CSMD3: variants seen among roughly 807,000 people sequenced by gnomAD.
The protein encoded by CSMD3 is CUB and sushi domain-containing protein 3.
Under a neutral mutation model 435.2 loss-of-function variants are expected in CSMD3, and 177 were observed. That is an observed-to-expected ratio of 0.41 (90% CI 0.36 to 0.46). The LOEUF (loss-of-function observed/expected upper bound fraction) is 0.46, where lower values mean the gene tolerates loss of function less well. CSMD3 is among the 20% of genes least tolerant of loss of function. The pLI is 0.34. For missense variants in CSMD3, 4,265 were observed against 4,504.6 expected (o/e 0.95, Z 1.52); for synonymous variants, 1,656 against 1,520.5 (o/e 1.09, Z -2.07).
chr8:112,293,180 G>A (rs1439899080), intron 54 of CSMD3, among the ~76,000 whole-genome samples: 1 of 151,932 alleles, frequency 6.6e-6, no homozygotes, highest in Non-Finnish European at 1.5e-5. Context: ...TGCTTGAGGA[G>A]AAGAGTTAAG....
intron 6 of CSMD3, among the ~76,000 whole-genome samples, chr8:112,997,614 T>C (rs1234361927): frequency 6.6e-6 from 1 of 151,624 alleles, no homozygotes; most frequent in East Asian, 1.9e-4. Flanking sequence ...CTGACTTTTT[T>C]CTTAGTTTGT....
intron 10 of CSMD3, among the ~76,000 whole-genome samples, chr8:112,889,134 A>C (rs1471902106): frequency 6.6e-6 from 1 of 151,668 alleles, no homozygotes; most frequent in Non-Finnish European, 1.5e-5. Flanking sequence ...TTTCTCTCCA[A>C]AACTTTCCCC....
chr8:113,229,222 T>G (rs2093059084), intron 3 of CSMD3, among the ~76,000 whole-genome samples: 1 of 151,614 alleles, frequency 6.6e-6, no homozygotes, highest in Non-Finnish European at 1.5e-5. Context: ...CAGTGTAAAA[T>G]TATGTGGTGC....
rs753498045 is a variant in CSMD3, at chr8:112,337,571, A to G, written c.6813T>C (p.Asn2271=). The part of the protein sequence containing the change: ...ALTCLHGVSR[N]WNHPLPRCEA... ...CACACCTTGGAAGTGGATGATTCCAATTACGACTGACTCCGTGAAGGCATG... is the reference window on the plus strand; with the variant it reads ...CACACCTTGGAAGTGGATGATTCCAGTTACGACTGACTCCGTGAAGGCATG... Residue 2271 remains asparagine (N), a synonymous_variant, in exon 43 of 71, where the codon AAT becomes AAC. Coordinates refer to ENST00000297405, the MANE Select transcript of CSMD3 (RefSeq NM_198123.2). 3.4e-5 allele frequency: 55 copies of G among 1,613,888 alleles called. No individual in the cohort carries two copies. The African/African-American group carries it at 3.5e-4, about 10-fold the overall frequency.
chr8:112,293,728 C>T (rs1473231761), intron 54 of CSMD3, among the ~76,000 whole-genome samples: 2 of 152,044 alleles, frequency 1.3e-5, no homozygotes, highest in Non-Finnish European at 2.9e-5. Flanking sequence ...TGTTTTATTG[C>T]ATTATCTCAC....
At chr8:112,728,256 G>C (rs968756071) in intron 13 of CSMD3, among the ~76,000 whole-genome samples, 5 of 151,494 alleles carry the variant, frequency 3.3e-5, no homozygotes, top group African/African-American at 9.7e-5. Flanking sequence ...TTAGGAAATT[G>C]AACAATAAAA....
chr8:112,316,038 A>G (rs1475838771), intron 47 of CSMD3, among the ~76,000 whole-genome samples: 3 of 151,838 alleles, frequency 2.0e-5, no homozygotes, highest in Non-Finnish European at 3.0e-5. Context: ...ATAGGAGTAG[A>G]AAAGAGTAAC....
chr8:112,756,805 G>C (rs1210604776), intron 13 of CSMD3, among the ~76,000 whole-genome samples: 1 of 146,888 alleles, frequency 6.8e-6, no homozygotes, highest in Non-Finnish European at 1.5e-5. Context: ...GTCTCACTGT[G>C]TCTCTCAGGC....
intron 13 of CSMD3, among the ~76,000 whole-genome samples, chr8:112,773,147 A>C (rs1446580952): frequency 6.6e-6 from 1 of 152,076 alleles, no homozygotes; most frequent in Non-Finnish European, 1.5e-5. Context: ...CCACCCGTTC[A>C]AAAACAGGAA....
intron 13 of CSMD3, among the ~76,000 whole-genome samples, chr8:112,771,101 A>G (rs567506008): frequency 4.6e-5 from 7 of 152,110 alleles, no homozygotes; most frequent in Non-Finnish European, 7.4e-5. Context: ...AATTGGAAAA[A>G]GAGAATGCTA....
intron 59 of CSMD3, among the ~76,000 whole-genome samples, chr8:112,273,472 T>A (rs1817715791): frequency 6.6e-6 from 1 of 152,040 alleles, no homozygotes; most frequent in Non-Finnish European, 1.5e-5. Context: ...ACACCTGTAA[T>A]CCCAGCACTT....
chr8:113,291,389 G>T (rs1476104831), intron 2 of CSMD3, among the ~76,000 whole-genome samples: 1 of 151,690 alleles, frequency 6.6e-6, no homozygotes, highest in Non-Finnish European at 1.5e-5. Flanking sequence ...GGACTTCATT[G>T]GGGGAATTAA....
At chr8:112,555,965 T>C (rs897937227) in intron 25 of CSMD3, among the ~76,000 whole-genome samples, 4 of 151,998 alleles carry the variant, frequency 2.6e-5, no homozygotes, top group African/African-American at 9.7e-5. Flanking sequence ...TCTGCCTCTA[T>C]AAATGCCATC....
At chr8:112,367,674 C>A (rs4876283) in intron 38 of CSMD3, among the ~76,000 whole-genome samples, 4 of 151,946 alleles carry the variant, frequency 2.6e-5, no homozygotes, top group Admixed American at 1.3e-4. Flanking sequence ...ATGCAACAGC[C>A]TCCTCTTAAA....
chr8:113,142,595 G>A (rs998059927), intron 4 of CSMD3, among the ~76,000 whole-genome samples: 1 of 151,098 alleles, frequency 6.6e-6, no homozygotes, highest in African/African-American at 2.4e-5. Flanking sequence ...CCTGGAAAGG[G>A]CAGTAGCAGG....
chr8:112,986,743 T>C (rs773118198), intron 6 of CSMD3, among the ~76,000 whole-genome samples: 6 of 152,218 alleles, frequency 3.9e-5, no homozygotes, highest in South Asian at 2.1e-4. Flanking sequence ...TAAGAACTTA[T>C]TGCTCTTTGA....
intron 2 of CSMD3, among the ~76,000 whole-genome samples, chr8:113,296,212 G>T (rs1022691079): frequency 1.3e-5 from 2 of 151,428 alleles, no homozygotes; most frequent in Non-Finnish European, 1.5e-5. Flanking sequence ...CGAGTTAATG[G>T]GTGCAGCACA....
At chr8:113,222,366 G>T (rs1229065312) in intron 3 of CSMD3, among the ~76,000 whole-genome samples, 2 of 150,878 alleles carry the variant, frequency 1.3e-5, no homozygotes, top group African/African-American at 4.8e-5. Context: ...AAGAGTCTTT[G>T]TAAGTGCCTT....
chr8:112,421,561 T>TTATA (rs3028669), intron 32 of CSMD3, among the ~76,000 whole-genome samples: 4 of 144,650 alleles, frequency 2.8e-5, no homozygotes, highest in East Asian at 2.0e-4. Flanking sequence ...TATATATATG[T>TTATA]TATATATATG....
Sources: allele counts gnomAD v4.1 joint callset (sites outside exome capture counted in the v4.1 genomes callset), GRCh38; gene constraint gnomAD v4.1.1; transcripts MANE v1.5; gene names NCBI Gene and HGNC (gene_info 2026-07-23, HGNC 2026-07-21).